Variants in CDC73 observed in about 807,000 individuals in gnomAD.
The protein encoded by CDC73 is cell division cycle 73, also known as parafibromin.
A neutral mutation model predicts 83.7 loss-of-function variants in CDC73; 21 were observed. The observed-to-expected ratio is 0.25, with a 90% confidence interval of 0.18 to 0.36. The LOEUF is 0.36. CDC73 is among the 10% of genes least tolerant of loss of function. CDC73 has a pLI of 1.00. For missense variants in CDC73, 342 were observed against 653.3 expected, an observed-to-expected ratio of 0.52 and a Z score of 5.19; for synonymous variants, 224 against 212.9, an observed-to-expected ratio of 1.05 and a Z score of -0.45.
chr1:193,158,094 AT>A (rs1676238819), intron 10 of CDC73, among the ~76,000 whole-genome samples: 1 of 151,032 alleles, frequency 6.6e-6, no homozygotes, highest in African/African-American at 2.4e-5. Context: ...TATTATATTT[AT>A]TAATATATGT....
intron 3 of CDC73, among the ~76,000 whole-genome samples, chr1:193,132,549 G>A (rs1027469897): frequency 1.3e-5 from 2 of 151,976 alleles, no homozygotes; most frequent in Admixed American, 1.3e-4. Flanking sequence ...TTGGGCTCAA[G>A]CAGTCCTCCT....
intron 10 of CDC73, among the ~76,000 whole-genome samples, chr1:193,160,796 G>C (rs1444964814): frequency 6.6e-6 from 1 of 151,490 alleles, no homozygotes; most frequent in Non-Finnish European, 1.5e-5. Flanking sequence ...TAAATCAATT[G>C]GTTTATATGA....
intron 10 of CDC73, among the ~76,000 whole-genome samples, chr1:193,190,636 G>C (rs1042464912): frequency 6.6e-6 from 1 of 152,150 alleles, no homozygotes; most frequent in African/African-American, 2.4e-5. Flanking sequence ...CTTTTGACTT[G>C]AAAACAAAGC....
intron 13 of CDC73, among the ~76,000 whole-genome samples, chr1:193,218,052 A>C (rs563911036): frequency 6.6e-6 from 1 of 152,338 alleles, no homozygotes; most frequent in South Asian, 2.1e-4. Context: ...AAGTTTAGTG[A>C]AATTTCAGAT....
At chr1:193,171,223 A>G (rs771953722) in intron 10 of CDC73, among the ~76,000 whole-genome samples, 1 of 152,220 alleles carries the variant, frequency 6.6e-6, no homozygotes, top group Non-Finnish European at 1.5e-5. Flanking sequence ...AGTTCTTGGG[A>G]CAAAGTAGAT....
intron 14 of CDC73, among the ~76,000 whole-genome samples, chr1:193,234,711 C>G (rs1320728206): frequency 1.3e-5 from 2 of 152,124 alleles, no homozygotes; most frequent in Non-Finnish European, 2.9e-5. Context: ...TATAAGTGAC[C>G]TCTGTCCAGC....
At chr1:193,228,611 A>G (rs1457464273) in intron 13 of CDC73, among the ~76,000 whole-genome samples, 1 of 152,236 alleles carries the variant, frequency 6.6e-6, no homozygotes, top group African/African-American at 2.4e-5. Context: ...ACAATTGGAT[A>G]AATATATGGG....
chr1:193,150,500 C>A, intron 9 of CDC73, 118 bp downstream of exon 9: 1 of 717,116 alleles, frequency 1.4e-6, no homozygotes, highest in South Asian at 1.5e-5. Context: ...CAGATCTTAC[C>A]CACTGCAATT....
At chr1:193,228,578 C>G (rs1236789859) in intron 13 of CDC73, among the ~76,000 whole-genome samples, 1 of 152,048 alleles carries the variant, frequency 6.6e-6, no homozygotes, top group East Asian at 1.9e-4. Flanking sequence ...GAAACAAATG[C>G]CTTAGCAATA....
intron 10 of CDC73, among the ~76,000 whole-genome samples, chr1:193,200,153 G>A (rs1677068464): frequency 6.6e-6 from 1 of 152,008 alleles, no homozygotes; most frequent in South Asian, 2.1e-4. Context: ...AAGCCCCAGA[G>A]GTCAAGGCTG....
chr1:193,160,461 A>G (rs1676289714), intron 10 of CDC73, among the ~76,000 whole-genome samples: 1 of 152,096 alleles, frequency 6.6e-6, no homozygotes, highest in Admixed American at 6.5e-5. Context: ...TTTTGGTTAC[A>G]TATATTCTCT....
At chr1:193,243,054 C>T (rs1263346874) in intron 15 of CDC73, among the ~76,000 whole-genome samples, 1 of 151,598 alleles carries the variant, frequency 6.6e-6, no homozygotes, top group African/African-American at 2.4e-5. Flanking sequence ...CAAGCAGTTC[C>T]CCTGCCTCAG....
At chr1:193,197,339 G>C (rs1283201801) in intron 10 of CDC73, among the ~76,000 whole-genome samples, 1 of 152,044 alleles carries the variant, frequency 6.6e-6, no homozygotes, top group African/African-American at 2.4e-5. Flanking sequence ...GCTGAATTCA[G>C]TTTGCTAGGT....
At chr1:193,125,057 C>T in intron 1 of CDC73, 55 bp from the exon 2 acceptor site, 1 of 882,788 alleles carries the variant, frequency 1.1e-6, no homozygotes, top group African/African-American at 1.6e-5. Context: ...TGAATCCAGC[C>T]TGAAGAGTTG....
At chr1:193,130,532 A>G (rs1675676665) in intron 3 of CDC73, among the ~76,000 whole-genome samples, 1 of 152,156 alleles carries the variant, frequency 6.6e-6, no homozygotes, top group Non-Finnish European at 1.5e-5. Flanking sequence ...TTTCTTCTGG[A>G]TCATTCCCTT....
chr1:193,208,733 A>G (rs572411083), intron 11 of CDC73, among the ~76,000 whole-genome samples: 1 of 152,110 alleles, frequency 6.6e-6, no homozygotes, highest in South Asian at 2.1e-4. Context: ...CTCTGCATAT[A>G]TTTGTAACCT....
chr1:193,182,700 G>A (rs1427878226), intron 10 of CDC73, among the ~76,000 whole-genome samples: 1 of 152,100 alleles, frequency 6.6e-6, no homozygotes, highest in East Asian at 1.9e-4. Context: ...AACTGGTTAT[G>A]TTATCTTGCA....
intron 2 of CDC73, among the ~76,000 whole-genome samples, chr1:193,127,291 G>A (rs991412125): frequency 2.9e-4 from 35 of 119,664 alleles, no homozygotes; most frequent in African/African-American, 1.4e-3. Context: ...AAAAAAAAAT[G>A]TGTGTGTGTG....
chr1:193,137,729 C>T (rs1157460598), intron 5 of CDC73, among the ~76,000 whole-genome samples: 1 of 152,076 alleles, frequency 6.6e-6, no homozygotes, highest in Non-Finnish European at 1.5e-5. Flanking sequence ...AAATTGTTGA[C>T]TCTGGTGAAG....
Sources: allele counts gnomAD v4.1 joint callset (sites outside exome capture counted in the v4.1 genomes callset), GRCh38; gene constraint gnomAD v4.1.1; transcripts MANE v1.5; gene names NCBI Gene and HGNC (gene_info 2026-07-23, HGNC 2026-07-21).